Variants in ATP8A1 observed in about 807,000 individuals in gnomAD.
ATP8A1 encodes phospholipid-transporting ATPase IA.
In ATP8A1, 90 loss-of-function variants were observed where a neutral mutation model predicts 177.7. The ratio of observed to expected loss-of-function variants is 0.51; its 90% CI spans 0.43 to 0.60. The LOEUF is 0.60. Among genes scored for constraint, ATP8A1 ranks in the 20% least tolerant of loss-of-function variants. ATP8A1 has a pLI of 0.00. For missense variants in ATP8A1, 1,072 were observed against 1,392.8 expected (o/e 0.77, Z 3.67); for synonymous variants, 493 against 485.9 (o/e 1.01, Z -0.19).
At chr4:42,448,828 G>GTTTTTTTTT (rs55946444) in intron 30 of ATP8A1, among the ~76,000 whole-genome samples, 11 of 84,232 alleles carry the variant, frequency 1.3e-4, no homozygotes, top group African/African-American at 5.0e-4. Flanking sequence ...TGTACTTTGC[G>GTTTTTTTTT]TTTTTTTTTT....
Position 42,412,869 on chromosome 4 carries a change from A to G in ATP8A1, c.*47T>C. Reference sequence around the variant, plus strand: ...TAGCAGACTGCGGTGACAACCTGGTAGCTCTCCTTAGAGAGGTAACAGAGC... The same window carrying G: ...TAGCAGACTGCGGTGACAACCTGGTGGCTCTCCTTAGAGAGGTAACAGAGC... On this transcript the variant is annotated 3_prime_UTR_variant, in exon 37 of 37. Coordinates refer to ENST00000381668, the MANE Select transcript of ATP8A1 (RefSeq NM_006095.2). 2 of 1,545,360 alleles carry G rather than the reference A, an allele frequency of 1.3e-6. No homozygotes were observed. Among genetic ancestry groups the G allele is most frequent in the Non-Finnish European group, 1.8e-6 (2 of 1,119,714 alleles).
chr4:42,425,573 A>C (rs536772233), intron 33 of ATP8A1, among the ~76,000 whole-genome samples: 1 of 152,108 alleles, frequency 6.6e-6, no homozygotes, highest in Non-Finnish European at 1.5e-5. Flanking sequence ...AGGGGGGGAA[A>C]AATAAAATCC....
At chr4:42,528,460 A>G (rs901800342) in intron 20 of ATP8A1, among the ~76,000 whole-genome samples, 29 of 152,304 alleles carry the variant, frequency 1.9e-4, no homozygotes, top group South Asian at 6.2e-4. Context: ...CAGAAGACAC[A>G]TGGATCTTGG....
At chr4:42,474,662 TGC>T (rs1212030261) in intron 25 of ATP8A1, among the ~76,000 whole-genome samples, 1 of 151,938 alleles carries the variant, frequency 6.6e-6, no homozygotes, top group Non-Finnish European at 1.5e-5. Context: ...TCCATCAGAG[TGC>T]AGCTGCCTCT....
intron 24 of ATP8A1, among the ~76,000 whole-genome samples, chr4:42,497,792 T>G (rs1723434966): frequency 6.6e-6 from 1 of 152,262 alleles, no homozygotes; most frequent in African/African-American, 2.4e-5. Flanking sequence ...ATTTTCATTT[T>G]TTGGTAATGT....
chr4:42,598,143 TTATTC>T lies in ATP8A1; in HGVS notation c.450+2330_450+2334del, dbSNP rs200190894. Among the ~76,000 whole-genome samples the T allele has an allele frequency of 7.9e-3, 1,209 of 152,276 alleles. 16 individuals carry two copies. Among genetic ancestry groups the T allele is most frequent in the African/African-American group, 0.028 (1,164 of 41,586 alleles). ...CTTCTTCAAATATTTATTAAGGCCTTTATTCTATTTGTACGTTTTCTAAAAACAAC... is the reference window on the plus strand; with the variant it reads ...CTTCTTCAAATATTTATTAAGGCCTTTATTTGTACGTTTTCTAAAAACAAC... On this transcript the variant is annotated intron_variant, in intron 6 of 36. Transcript: ENST00000381668.
intron 15 of ATP8A1, among the ~76,000 whole-genome samples, chr4:42,565,391 G>A (rs375630987): frequency 3.3e-5 from 5 of 152,196 alleles, no homozygotes; most frequent in South Asian, 2.1e-4. Flanking sequence ...TAGCTTTTGC[G>A]GCAGAATAAA....
intron 25 of ATP8A1, among the ~76,000 whole-genome samples, chr4:42,481,249 A>T (rs1304738213): frequency 6.6e-6 from 1 of 152,168 alleles, no homozygotes; most frequent in Non-Finnish European, 1.5e-5. Flanking sequence ...TCCATCCACA[A>T]CCTAAAAGGG....
intron 1 of ATP8A1, among the ~76,000 whole-genome samples, chr4:42,641,674 T>G (rs1271418199): frequency 6.6e-6 from 1 of 152,194 alleles, no homozygotes; most frequent in Admixed American, 6.5e-5. Context: ...CATAGGAAGA[T>G]AGAACTGAAT....
rs576479090 is a variant in ATP8A1 at position 42,530,276 on chromosome 4, C to T, written c.1723-5429G>A. Among the ~76,000 whole-genome samples, 3 of 152,358 alleles carry T rather than the reference C, an allele frequency of 2.0e-5. No homozygotes were observed. In the South Asian group the frequency reaches 6.2e-4, roughly 32 times the overall value. On this transcript the variant is annotated intron_variant, in intron 20 of 36. Transcript: ENST00000381668. ...GTGCCCAATTTGCCAGCCGCAGAGA[C>T]CAGCACTGAGCCCTTGATATGGCAC...
At chr4:42,516,882 G>C (rs1286978816) in intron 22 of ATP8A1, among the ~76,000 whole-genome samples, 1 of 152,146 alleles carries the variant, frequency 6.6e-6, no homozygotes, top group Non-Finnish European at 1.5e-5. Context: ...CCTGGCTCCT[G>C]ATATATTAAA....
rs1038996888 is a variant in ATP8A1 at position 42,507,224 on chromosome 4, G to C, written c.1948-70C>G. On this transcript the variant is annotated intron_variant, in intron 22 of 36. Coordinates refer to ENST00000381668, the MANE Select transcript of ATP8A1 (RefSeq NM_006095.2). ...TTCTTTAAAAACAAAAAATTGAAGT[G>C]TGTATATGTTTTAAAATCAGAGACT... is the stretch of plus-strand genomic sequence containing the variant. 2.0e-5 allele frequency: 29 copies of C among 1,468,466 alleles called. No individual in the cohort carries two copies. The African/African-American group carries it at 2.7e-4, about 14-fold the overall frequency. The allele number at this position is 1,468,466 out of a possible 1,614,324, so 91.0% of individuals were successfully genotyped here.
rs1045953731 is a variant in ATP8A1, at chr4:42,462,736, T to A, written c.2619+1954A>T. Among the ~76,000 whole-genome samples, 3 of 152,306 alleles carry A rather than the reference T, an allele frequency of 2.0e-5. No homozygotes were observed. In the East Asian group the frequency reaches 5.8e-4, roughly 29 times the overall value. ...GTCCTCCAGACCTCAGAATGGTAGA[T>A]CCACTGACTGCATTGTGCACCTGAT... On this transcript the variant is annotated intron_variant, in intron 27 of 36. Transcript: ENST00000381668.
intron 24 of ATP8A1, among the ~76,000 whole-genome samples, chr4:42,493,126 T>C (rs1362369101): frequency 1.3e-5 from 2 of 152,062 alleles, no homozygotes; most frequent in African/African-American, 4.8e-5. Context: ...AAAAGTGAGA[T>C]GTGAGAAAGT....
Position 42,588,487 on chromosome 4 carries a change from GAGGCAGAACCC to G in ATP8A1, c.525-169_525-159del, listed in dbSNP as rs1733848151. On this transcript the variant is annotated intron_variant, in intron 7 of 36. Coordinates refer to ENST00000381668, the MANE Select transcript of ATP8A1 (RefSeq NM_006095.2). ...TTTCATTCTAACAGCAAGATGCTGT[GAGGCAGAACCC>G]ATGCATGACAACTCACGGATTAGCT... 53 of 597,496 alleles carry G rather than the reference GAGGCAGAACCC, an allele frequency of 8.9e-5. No individual in the cohort carries two copies. The South Asian group carries it at 1.2e-3, about 14-fold the overall frequency. The allele number at this position is 597,496 out of a possible 1,614,324, so 37.0% of individuals were successfully genotyped here. A position where few individuals can be genotyped will look rare whatever the true frequency, so the allele number is the denominator to read the frequency against.
chr4:42,472,599 C>T (rs1720557535), intron 25 of ATP8A1, among the ~76,000 whole-genome samples: 1 of 151,808 alleles, frequency 6.6e-6, no homozygotes, highest in African/African-American at 2.4e-5. Context: ...AAAAAATTAG[C>T]TGAGTGTGGT....
intron 22 of ATP8A1, among the ~76,000 whole-genome samples, chr4:42,521,641 G>A (rs1256136082): frequency 6.6e-6 from 1 of 152,054 alleles, no homozygotes; most frequent in African/African-American, 2.4e-5. Context: ...TTCTTTATCT[G>A]TAAAATGAGA....
intron 24 of ATP8A1, among the ~76,000 whole-genome samples, chr4:42,498,818 T>G (rs13104844): frequency 0.31 from 46,942 of 151,984 alleles, 8,562 homozygotes; most frequent in East Asian, 0.57. Flanking sequence ...GTTTTACAAA[T>G]GTAGTAGATG....
intron 25 of ATP8A1, among the ~76,000 whole-genome samples, chr4:42,469,430 G>A (rs889585320): frequency 6.6e-6 from 1 of 152,120 alleles, no homozygotes; most frequent in Non-Finnish European, 1.5e-5. Flanking sequence ...GGCTGAAAGG[G>A]ATTCAGGTTT....
Sources: allele counts gnomAD v4.1 joint callset (sites outside exome capture counted in the v4.1 genomes callset), GRCh38; gene constraint gnomAD v4.1.1; transcripts MANE v1.5; gene names NCBI Gene and HGNC (gene_info 2026-07-23, HGNC 2026-07-21).